The following RAB1A variants were observed in gnomAD, a reference collection of about 807,000 sequenced individuals.
The protein encoded by RAB1A is RAB1A, member RAS oncogene family, also known as ras-related protein Rab-1A.
RAB1A carries 2 observed loss-of-function variants against 26.0 expected under a neutral mutation model. The ratio of observed to expected loss-of-function variants is 0.08; its 90% CI spans 0.03 to 0.24. RAB1A has a LOEUF of 0.24. Ranked by LOEUF, RAB1A falls within the 10% of genes least tolerant of loss-of-function variation. The pLI is 1.00. For synonymous variants in RAB1A, 84 were observed against 84.9 expected, an observed-to-expected ratio of 0.99 and a Z score of 0.06; for missense variants, 100 against 247.0, an observed-to-expected ratio of 0.40 and a Z score of 3.99.
At chr2:65,103,304 A>AAAAAAAAAAAAAAAAAAAAAAAAC (rs757626011) in intron 2 of RAB1A, among the ~76,000 whole-genome samples, 2 of 112,494 alleles carry the variant, frequency 1.8e-5, no homozygotes, top group Non-Finnish European at 3.6e-5. Context: ...TGTCTCAAAA[A>AAAAAAAAAAAAAAAAAAAAAAAAC]AAAAAAAAAA....
In RAB1A at chr2:65,087,106, A is replaced by C. The variant is rs1010602261; in HGVS notation, c.*1387T>G. ...CATATCCCAAGCCCCTGCGTGAAGA[A>C]TGTTTTGGCTGCTATTTCAACCTAA... On this transcript the variant is annotated 3_prime_UTR_variant, in exon 6 of 6. Coordinates refer to ENST00000409784, the MANE Select transcript of RAB1A (RefSeq NM_004161.5). The C allele has an allele frequency of 6.6e-6, 1 of 152,204 alleles. No homozygotes were observed. The highest frequency in any genetic ancestry group is 2.1e-4 in the South Asian group (1 of 4,834). The allele number at this position is 152,204 out of a possible 1,614,324, so 9.4% of individuals were successfully genotyped here.
intron 1 of RAB1A, among the ~76,000 whole-genome samples, chr2:65,128,676 T>C (rs1005056562): frequency 6.6e-6 from 1 of 152,220 alleles, no homozygotes; most frequent in Non-Finnish European, 1.5e-5. Flanking sequence ...GTGGACCTTT[T>C]AGGGGAAAAT....
rs1669545462 is a variant in RAB1A at position 65,105,913 on chromosome 2, C to G, written c.24-1107G>C. ...GAGTAGCTGGGATTATAGGCATGCG[C>G]CACCACGCCCAGCTAATTTTTGTAT... On this transcript the variant is annotated intron_variant, in intron 1 of 5. Transcript: ENST00000409784. Among the ~76,000 whole-genome samples, 5 of 152,250 alleles carry G rather than the reference C, an allele frequency of 3.3e-5. No individual in the cohort carries two copies. In the South Asian group the frequency reaches 8.3e-4, roughly 25 times the overall value.
chr2:65,129,921 T>TGCA lies in RAB1A; in HGVS notation c.-9_-7dup. On this transcript the variant is annotated 5_prime_UTR_variant, in exon 1 of 6. Transcript: ENST00000409784. ...TCGGGATTCATGCTGGACATGTCAC[T>TGCA]GCAGCTGCCGCCGCCGCCACCGCCG... 1 of 1,588,712 alleles carries TGCA rather than the reference T, an allele frequency of 6.3e-7. No individual in the cohort carries two copies. The highest frequency in any genetic ancestry group is 8.6e-7 in the Non-Finnish European group (1 of 1,169,372).
intron 2 of RAB1A, among the ~76,000 whole-genome samples, chr2:65,102,992 A>G (rs540019904): frequency 3.6e-4 from 55 of 151,930 alleles, no homozygotes; most frequent in African/African-American, 1.3e-3. Flanking sequence ...TACAACTCAA[A>G]AAACTACAAA....
At chr2:65,098,118 C>G in intron 2 of RAB1A, 52 bp from the exon 3 acceptor site, 1 of 1,028,652 alleles carries the variant, frequency 9.7e-7, no homozygotes, top group Non-Finnish European at 1.3e-6. Flanking sequence ...GGAGCAGATG[C>G]AAGTCTAAGT....
intron 1 of RAB1A, among the ~76,000 whole-genome samples, chr2:65,112,769 G>A (rs1191415400): frequency 6.6e-6 from 1 of 152,178 alleles, no homozygotes; most frequent in Non-Finnish European, 1.5e-5. Context: ...ACAGCAACAA[G>A]AGAAAAATTA....
chr2:65,095,743 G>A (rs1306662373), intron 3 of RAB1A, among the ~76,000 whole-genome samples: 2 of 152,076 alleles, frequency 1.3e-5, no homozygotes, highest in African/African-American at 4.8e-5. Context: ...CAGGCGTGGT[G>A]GCTCACGCCT....
rs1669090141 is a variant in RAB1A, at chr2:65,088,490, A to AT, written c.*2dup. 1.9e-6 allele frequency: 3 copies of AT among 1,593,610 alleles called. No homozygotes were observed. The East Asian group carries it at 6.7e-5, about 36-fold the overall frequency. ...TGCTGTGAGAAAAGGATGGAGGCAA[A>AT]TTTTAGCAGCAACCTCCACCTGACT... is the stretch of plus-strand genomic sequence containing the variant. On this transcript the variant is annotated 3_prime_UTR_variant, in exon 6 of 6. Coordinates refer to ENST00000409784, the MANE Select transcript of RAB1A (RefSeq NM_004161.5).
intron 1 of RAB1A, among the ~76,000 whole-genome samples, chr2:65,105,973 G>A (rs1669547379): frequency 1.3e-5 from 2 of 152,106 alleles, no homozygotes; most frequent in Non-Finnish European, 2.9e-5. Context: ...TGTTGGCCAG[G>A]ATGGTCTCGA....
Position 65,129,967 on chromosome 2 carries a change from G to A in RAB1A, c.-52C>T. The A allele has an allele frequency of 6.4e-7, 1 of 1,558,276 alleles. No individual in the cohort carries two copies. The highest frequency in any genetic ancestry group is 1.4e-5 in the African/African-American group (1 of 73,558). On this transcript the variant is annotated 5_prime_UTR_variant, in exon 1 of 6. Coordinates refer to ENST00000409784, the MANE Select transcript of RAB1A (RefSeq NM_004161.5). ...CGCCGCCCTTGCTGCCGCAGCCGCCGCCCTGACTCTCCGCGCCACGGGTAA... is the reference window on the plus strand; with the variant it reads ...CGCCGCCCTTGCTGCCGCAGCCGCCACCCTGACTCTCCGCGCCACGGGTAA...
chr2:65,099,012 C>T (rs1035013410), intron 2 of RAB1A, among the ~76,000 whole-genome samples: 1 of 151,588 alleles, frequency 6.6e-6, no homozygotes, highest in African/African-American at 2.4e-5. Context: ...AATTTTTGTA[C>T]GTTTAGTAGA....
intron 1 of RAB1A, among the ~76,000 whole-genome samples, chr2:65,116,492 C>T (rs1669829398): frequency 6.6e-6 from 1 of 152,128 alleles, no homozygotes; most frequent in Non-Finnish European, 1.5e-5. Context: ...CAATTAGCAC[C>T]CACTACCACC....
intron 1 of RAB1A, among the ~76,000 whole-genome samples, chr2:65,113,531 A>T (rs1314422315): frequency 6.6e-6 from 1 of 152,188 alleles, no homozygotes; most frequent in Non-Finnish European, 1.5e-5. Context: ...TAAAATAAAA[A>T]ATATAAAAAT....
chr2:65,098,137 A>G, intron 2 of RAB1A, 71 bp from the exon 3 acceptor site: 2 of 873,708 alleles, frequency 2.3e-6, no homozygotes, highest in Non-Finnish European at 3.3e-6. Flanking sequence ...GTGGAAAAAA[A>G]AAAACTGTTG....
At chr2:65,108,112 A>G (rs13012226) in intron 1 of RAB1A, among the ~76,000 whole-genome samples, 2,484 of 152,018 alleles carry the variant, frequency 0.016, 24 homozygotes, top group Middle Eastern at 0.027. Flanking sequence ...AGCTTTAAAA[A>G]ACATGAACGG....
intron 2 of RAB1A, among the ~76,000 whole-genome samples, chr2:65,103,071 T>C (rs570348344): frequency 5.9e-4 from 90 of 151,700 alleles, no homozygotes; most frequent in African/African-American, 2.0e-3. Context: ...TCTCCAGCAC[T>C]TTGGGAGGCT....
At chr2:65,129,245 G>C (rs949955927) in intron 1 of RAB1A, among the ~76,000 whole-genome samples, 1 of 149,602 alleles carries the variant, frequency 6.7e-6, no homozygotes, top group Middle Eastern at 3.6e-3. Flanking sequence ...GTTTTTATAG[G>C]AGGGCAATGG....
intron 1 of RAB1A, among the ~76,000 whole-genome samples, chr2:65,110,678 A>C (rs1403534559): frequency 1.3e-5 from 2 of 152,040 alleles, no homozygotes. Flanking sequence ...CACACCTGTA[A>C]TTCCCACCTA....
Sources: allele counts gnomAD v4.1 joint callset (sites outside exome capture counted in the v4.1 genomes callset), GRCh38; gene constraint gnomAD v4.1.1; transcripts MANE v1.5; gene names NCBI Gene and HGNC (gene_info 2026-07-23, HGNC 2026-07-21).